FRMD3: variants seen among roughly 807,000 people sequenced by gnomAD.
FRMD3 encodes FERM domain-containing protein 3.
FRMD3 carries 33 observed loss-of-function variants against 70.2 expected under a neutral mutation model. The ratio of observed to expected loss-of-function variants is 0.47; its 90% CI spans 0.36 to 0.63. The LOEUF (loss-of-function observed/expected upper bound fraction) is 0.63. FRMD3 is among the 20% of genes least tolerant of loss of function. The pLI, the probability that FRMD3 is intolerant of heterozygous loss-of-function variation, is 0.00. For missense variants in FRMD3, 632 were observed against 711.4 expected (o/e 0.89, Z 1.27); for synonymous variants, 279 against 255.9 (o/e 1.09, Z -0.86).
At chr9:83,506,265 A>G (rs1014736592) in intron 1 of FRMD3, among the ~76,000 whole-genome samples, 3 of 152,214 alleles carry the variant, frequency 2.0e-5, no homozygotes, top group Admixed American at 2.0e-4. Context: ...CTAAATGTCT[A>G]TCAATAATGT....
chr9:83,444,151 A>T (rs1312279509), intron 1 of FRMD3, among the ~76,000 whole-genome samples: 2 of 152,220 alleles, frequency 1.3e-5, no homozygotes, highest in African/African-American at 2.4e-5. Context: ...GCCTGTGATG[A>T]CAAGCATGAC....
intron 1 of FRMD3, among the ~76,000 whole-genome samples, chr9:83,492,262 C>T (rs181520311): frequency 1.3e-5 from 2 of 152,316 alleles, no homozygotes; most frequent in Non-Finnish European, 2.9e-5. Flanking sequence ...AACTACACCA[C>T]GAGGCCTGGC....
At chr9:83,480,506 T>TC (rs1828542003) in intron 1 of FRMD3, among the ~76,000 whole-genome samples, 1 of 151,838 alleles carries the variant, frequency 6.6e-6, no homozygotes, top group African/African-American at 2.4e-5. Flanking sequence ...ATTTTTTTTT[T>TC]TTTTTTGAGA....
chr9:83,573,738 T>TTCTC, the FRMD3 span, among the ~76,000 whole-genome samples: 1,323 of 146,222 alleles, frequency 9.0e-3, 9 homozygotes, highest in Non-Finnish European at 0.012. Flanking sequence ...AAAAGAACGA[T>TTCTC]TCTCTCTCTC....
At chr9:83,412,828 C>T (rs1441190234) in intron 1 of FRMD3, among the ~76,000 whole-genome samples, 1 of 152,100 alleles carries the variant, frequency 6.6e-6, no homozygotes, top group Non-Finnish European at 1.5e-5. Flanking sequence ...AACCTCATCT[C>T]TACCAAAAAT....
chr9:83,362,582 A>AG, intron 3 of FRMD3, among the ~76,000 whole-genome samples: 1 of 152,332 alleles, frequency 6.6e-6, no homozygotes, highest in South Asian at 2.1e-4. Context: ...TAAATAGGGC[A>AG]AGAATAGGAT....
intron 1 of FRMD3, among the ~76,000 whole-genome samples, chr9:83,402,240 C>T (rs1186223297): frequency 6.7e-6 from 1 of 148,570 alleles, no homozygotes; most frequent in Non-Finnish European, 1.5e-5. Flanking sequence ...ATTCTTAACG[C>T]CCCAGGAGCC....
At chr9:83,492,247 G>A (rs1828843494) in intron 1 of FRMD3, among the ~76,000 whole-genome samples, 1 of 152,172 alleles carries the variant, frequency 6.6e-6, no homozygotes, top group South Asian at 2.1e-4. Flanking sequence ...ACAGCATTAA[G>A]ATTAAACTAC....
chr9:83,581,226 G>C, the FRMD3 span, among the ~76,000 whole-genome samples: 3 of 151,980 alleles, frequency 2.0e-5, no homozygotes, highest in African/African-American at 7.2e-5. Context: ...ATTACACCCC[G>C]TTAAGGAAAT....
chr9:83,571,471 A>T, the FRMD3 span, among the ~76,000 whole-genome samples: 1 of 152,230 alleles, frequency 6.6e-6, no homozygotes, highest in Non-Finnish European at 1.5e-5. Context: ...GCCATTCATG[A>T]AAATAGTGAC....
intron 2 of FRMD3, among the ~76,000 whole-genome samples, chr9:83,380,418 G>A (rs34767126): frequency 0.25 from 38,480 of 152,096 alleles, 6,063 homozygotes; most frequent in Non-Finnish European, 0.34. Context: ...TGTTCTAACA[G>A]TCCACAGTCT....
intron 1 of FRMD3, among the ~76,000 whole-genome samples, chr9:83,450,686 C>T (rs999054434): frequency 1.3e-5 from 2 of 152,144 alleles, no homozygotes; most frequent in Non-Finnish European, 2.9e-5. Flanking sequence ...GATGGCAGGG[C>T]TGGAGTCTCC....
intron 1 of FRMD3, among the ~76,000 whole-genome samples, chr9:83,395,291 A>G (rs370712196): frequency 5.8e-5 from 8 of 137,722 alleles, no homozygotes; most frequent in South Asian, 2.4e-4. Context: ...AAAAAAAAAA[A>G]GGGAACAAAA....
At position 83,245,354 on chromosome 9, in the gene FRMD3, A is replaced by T; in HGVS notation, c.*2564T>A. ...TGGTGACTATCTTCTAACAAAACTT[A>T]AATGGATGTTTCTAAAAGGCTCTGA... On this transcript the variant is annotated 3_prime_UTR_variant, in exon 14 of 14. Coordinates refer to ENST00000304195, the MANE Select transcript of FRMD3 (RefSeq NM_174938.6). 1 of 985,440 alleles carries T rather than the reference A, an allele frequency of 1.0e-6. No homozygotes were observed. Among genetic ancestry groups the T allele is most frequent in the Non-Finnish European group, 1.2e-6 (1 of 829,918 alleles). The allele number at this position is 985,440 out of a possible 1,614,324, so 61.0% of individuals were successfully genotyped here. A position where few individuals can be genotyped will look rare whatever the true frequency, so the allele number is the denominator to read the frequency against.
rs1835190395 is a variant in FRMD3 at position 83,307,821 on chromosome 9, AT to A, written c.926+1714del. On this transcript the variant is annotated intron_variant, in intron 10 of 13. Coordinates refer to ENST00000304195, the MANE Select transcript of FRMD3 (RefSeq NM_174938.6). ...TTTACGGCATGTAAATTAGATTTCC[AT>A]TTAAAAAATTTTTTTTAAAACAAAA... is the stretch of plus-strand genomic sequence containing the variant. Among the ~76,000 whole-genome samples, 3 of 152,352 alleles carry A rather than the reference AT, an allele frequency of 2.0e-5. No homozygotes were observed. In the South Asian group the frequency reaches 6.2e-4, roughly 32 times the overall value.
In FRMD3 at chr9:83,389,541, C is replaced by T. The variant is rs1009706021; in HGVS notation, c.252+63G>A. The T allele has an allele frequency of 1.0e-5, 11 of 1,057,034 alleles. No individual in the cohort carries two copies. The Admixed American group carries it at 1.9e-4, about 18-fold the overall frequency. The allele number at this position is 1,057,034 out of a possible 1,614,324, so 65.5% of individuals were successfully genotyped here. The stretch of plus-strand genomic sequence containing the variant: ...ATCACTAGGGCTTTGAGAGGAACCC[C>T]CACAGTGCACCACAGTCTGGGTCAC... On this transcript the variant is annotated intron_variant, in intron 2 of 13. Transcript: ENST00000304195.
At chr9:83,431,025 C>A (rs1305021893) in intron 1 of FRMD3, among the ~76,000 whole-genome samples, 1 of 152,208 alleles carries the variant, frequency 6.6e-6, no homozygotes, top group Non-Finnish European at 1.5e-5. Flanking sequence ...GGTATTAGAG[C>A]CCTGTGATAG....
intron 13 of FRMD3, among the ~76,000 whole-genome samples, chr9:83,288,333 T>C (rs989617014): frequency 6.6e-6 from 1 of 152,238 alleles, no homozygotes; most frequent in Non-Finnish European, 1.5e-5. Flanking sequence ...AACACAGAGC[T>C]ATGTCTCCAG....
chr9:83,373,028 A>C (rs1825030208), intron 2 of FRMD3, 73 bp from the exon 3 acceptor site: 4 of 1,243,620 alleles, frequency 3.2e-6, no homozygotes, highest in East Asian at 2.3e-5. Flanking sequence ...CCTAATAACT[A>C]AAAGGAATTC....
Sources: gnomAD v4.1 joint callset for allele counts (sites outside exome capture counted in the v4.1 genomes callset) on GRCh38, gnomAD v4.1.1 for gene constraint, MANE v1.5 for transcripts, NCBI Gene and HGNC (gene_info 2026-07-23, HGNC 2026-07-21) for gene names.